The following CBLN2 variants were observed in gnomAD, a reference collection of about 807,000 sequenced individuals.
The protein encoded by CBLN2 is cerebellin 2 precursor.
Under a neutral mutation model 15.0 loss-of-function variants are expected in CBLN2, and 7 were observed. The ratio of observed to expected loss-of-function variants is 0.47; its 90% confidence interval spans 0.27 to 0.88. The LOEUF (loss-of-function observed/expected upper bound fraction) is 0.88, where lower values mean the gene tolerates loss of function less well. Ranked by LOEUF, CBLN2 falls within the 40% of genes least tolerant of loss-of-function variation. The pLI is 0.14. For missense variants in CBLN2, 242 were observed against 304.5 expected, an observed-to-expected ratio of 0.79 and a Z score of 1.53; for synonymous variants, 149 against 135.2, an observed-to-expected ratio of 1.10 and a Z score of -0.71.
At position 72,556,814 on chromosome 18, in the gene CBLN2, T is replaced by C. The variant is rs146092349; in HGVS notation, c.16-18042A>G. 1.7e-4 allele frequency among the ~76,000 whole-genome samples: 25 copies of C among 151,506 alleles called. No individual in the cohort carries two copies. The East Asian group carries it at 4.8e-3, about 29-fold the overall frequency. On this transcript the variant is annotated intron_variant, in intron 1 of 2. Transcript: ENST00000581073. ...TATTATGATGCCCAGGAGTGGAAAG[T>C]AGAGAACCATAATGAAAGGCTTGAA...
chr18:72,574,328 A>T (rs919714887), intron 1 of CBLN2, among the ~76,000 whole-genome samples: 4 of 152,168 alleles, frequency 2.6e-5, no homozygotes, highest in African/African-American at 9.7e-5. Flanking sequence ...TATCTAAAGA[A>T]ATCATCGCCA....
intron 1 of CBLN2, among the ~76,000 whole-genome samples, chr18:72,629,578 A>G (rs2069761921): frequency 6.6e-6 from 1 of 152,168 alleles, no homozygotes; most frequent in Non-Finnish European, 1.5e-5. Flanking sequence ...GGCAAAAAGA[A>G]TAAATCTAAC....
intron 1 of CBLN2, among the ~76,000 whole-genome samples, chr18:72,590,662 T>A (rs1409940963): frequency 6.6e-6 from 1 of 152,224 alleles, no homozygotes; most frequent in Non-Finnish European, 1.5e-5. Context: ...TGGATATTTA[T>A]GACAATAGAG....
intron 3 of CBLN2, 69 bp from the exon 4 acceptor site, chr18:72,538,841 G>A: frequency 6.4e-7 from 1 of 1,573,150 alleles, no homozygotes; most frequent in East Asian, 2.3e-5. Flanking sequence ...CATCATCCTT[G>A]GATAACCAGC....
At chr18:72,589,213 T>C (rs1203491279) in intron 1 of CBLN2, among the ~76,000 whole-genome samples, 1 of 151,984 alleles carries the variant, frequency 6.6e-6, no homozygotes, top group African/African-American at 2.4e-5. Context: ...AATTGGGGAG[T>C]AAAATGTGTG....
At chr18:72,620,935 T>C (rs925194693) in intron 1 of CBLN2, among the ~76,000 whole-genome samples, 2 of 152,220 alleles carry the variant, frequency 1.3e-5, no homozygotes, top group Non-Finnish European at 2.9e-5. Flanking sequence ...ATCTATTTGA[T>C]ACTTTATGAC....
At chr18:72,558,478 C>A (rs1290114889) in intron 1 of CBLN2, among the ~76,000 whole-genome samples, 1 of 152,148 alleles carries the variant, frequency 6.6e-6, no homozygotes, top group Non-Finnish European at 1.5e-5. Context: ...CACTGCAAAC[C>A]CTTCTAGTGG....
At chr18:72,563,886 C>T (rs1056343964) in intron 1 of CBLN2, among the ~76,000 whole-genome samples, 3 of 152,224 alleles carry the variant, frequency 2.0e-5, no homozygotes, top group Admixed American at 2.0e-4. Context: ...ACCAGTCATA[C>T]AAACTCCTAC....
rs567847382 is a variant in CBLN2 at position 72,575,642 on chromosome 18, G to A, written c.16-36870C>T. On this transcript the variant is annotated intron_variant, in intron 1 of 2. Coordinates refer to the CBLN2 transcript ENST00000581073. ...CGGAGAAGCCGGGCCCTCAGGAGGC[G>A]ACTGGGCGGAGTCCATAGGAGCCAG... is the stretch of plus-strand genomic sequence containing the variant. 1.6e-3 allele frequency among the ~76,000 whole-genome samples: 237 copies of A among 152,230 alleles called. 1 individual carries two copies. The highest frequency in any genetic ancestry group is 5.4e-3 in the African/African-American group (226 of 41,540).
In CBLN2 at chr18:72,551,792, T is replaced by C. The variant is rs868798650; in HGVS notation, c.16-13020A>G. ...ATTTATCATTTAGGTTAATATTAAT[T>C]AGCACGGCTTAATATTTCATTAAAG... is the stretch of plus-strand genomic sequence containing the variant. On this transcript the variant is annotated intron_variant, in intron 1 of 2. Transcript: ENST00000581073. Among the ~76,000 whole-genome samples, 5 of 152,372 alleles carry C rather than the reference T, an allele frequency of 3.3e-5. No homozygotes were observed. In the South Asian group the frequency reaches 1.0e-3, roughly 32 times the overall value.
intron 1 of CBLN2, among the ~76,000 whole-genome samples, chr18:72,607,172 T>A (rs925398016): frequency 3.9e-5 from 6 of 152,086 alleles, no homozygotes; most frequent in Admixed American, 2.6e-4. Flanking sequence ...TGAAACAGAT[T>A]CTCCCTCACA....
At chr18:72,574,594 G>A (rs1189673351) in intron 1 of CBLN2, among the ~76,000 whole-genome samples, 1 of 152,220 alleles carries the variant, frequency 6.6e-6, no homozygotes, top group Non-Finnish European at 1.5e-5. Flanking sequence ...TGGGATCATG[G>A]CTCATTCATC....
rs1449877118 is a variant in CBLN2 at position 72,542,099 on chromosome 18, G to A, written c.62C>T (p.Ala21Val). The A allele has an allele frequency of 4.1e-6, 6 of 1,465,598 alleles. No homozygotes were observed. The highest frequency in any genetic ancestry group is 2.5e-5 in the Admixed American group (1 of 39,544). 90.8% of individuals were successfully genotyped at this position (1,465,598 alleles called of 1,614,324 possible). A position where few individuals can be genotyped will look rare whatever the true frequency, so the allele number is the denominator to read the frequency against. Residue 21 changes from alanine to valine, a missense_variant, in exon 3 of 5, where the codon GCG becomes GTG. Physicochemically the swap from Ala to Val is moderately conservative, Grantham distance 64. Transcript: ENST00000269503. ...TCCGCAGCCGCCCGGCTCGCGCAGC[G>A]CCCCCCGGCGCCCGGGCATCATCAG... ...LRLMMPGRRGALREPGGCGSC... is the reference protein window; with the variant it reads ...LRLMMPGRRGVLREPGGCGSC...
intron 1 of CBLN2, among the ~76,000 whole-genome samples, chr18:72,563,233 G>A (rs1599000287): frequency 6.6e-6 from 1 of 152,132 alleles, no homozygotes; most frequent in East Asian, 1.9e-4. Context: ...CTCAGATTAT[G>A]TTTTTACAAT....
At chr18:72,551,267 T>C (rs1173012098) in intron 1 of CBLN2, among the ~76,000 whole-genome samples, 2 of 152,148 alleles carry the variant, frequency 1.3e-5, no homozygotes, top group Non-Finnish European at 2.9e-5. Context: ...TACATATATA[T>C]GAAATGAAGA....
chr18:72,552,880 C>T (rs927562377), intron 1 of CBLN2, among the ~76,000 whole-genome samples: 5 of 151,920 alleles, frequency 3.3e-5, no homozygotes, highest in South Asian at 4.2e-4. Context: ...GGAAACATTG[C>T]GAAAATTGTT....
chr18:72,637,308 A>G (rs2069820320), intron 1 of CBLN2, among the ~76,000 whole-genome samples: 1 of 151,532 alleles, frequency 6.6e-6, no homozygotes, highest in African/African-American at 2.4e-5. Flanking sequence ...CCTCCTACGT[A>G]TTTACATGGT....
chr18:72,611,686 G>A (rs1020188465), intron 1 of CBLN2, among the ~76,000 whole-genome samples: 5 of 152,154 alleles, frequency 3.3e-5, no homozygotes, highest in African/African-American at 1.2e-4. Context: ...CTCCCATTCT[G>A]TAGCTTGTCT....
intron 1 of CBLN2, among the ~76,000 whole-genome samples, chr18:72,563,513 C>T (rs768363155): frequency 6.6e-6 from 1 of 151,970 alleles, no homozygotes; most frequent in Non-Finnish European, 1.5e-5. Context: ...AGTATCTGTA[C>T]GAGAGCACTG....
Sources: gnomAD v4.1 joint callset for allele counts (sites outside exome capture counted in the v4.1 genomes callset) on GRCh38, gnomAD v4.1.1 for gene constraint, MANE v1.5 for transcripts, NCBI Gene and HGNC (gene_info 2026-07-23, HGNC 2026-07-21) for gene names.